PCDHGA3: variants seen among roughly 807,000 people sequenced by gnomAD.
PCDHGA3 encodes the protein protocadherin gamma subfamily A, 3, also known as protocadherin gamma-A3.
Under a neutral mutation model 58.5 loss-of-function variants are expected in PCDHGA3, and 40 were observed. The observed-to-expected ratio is 0.68, with a 90% confidence interval of 0.53 to 0.89. PCDHGA3 has a LOEUF of 0.89. PCDHGA3 is among the 40% of genes least tolerant of loss of function. The pLI, the probability that PCDHGA3 is intolerant of heterozygous loss-of-function variation, is 0.00. For missense variants in PCDHGA3, 1,223 were observed against 1,195.9 expected, an observed-to-expected ratio of 1.02 and a Z score of -0.33; for synonymous variants, 530 against 525.7, an observed-to-expected ratio of 1.01 and a Z score of -0.11.
chr5:141,360,383 A>G, intron 1 of PCDHGA3: 1 of 1,613,868 alleles, frequency 6.2e-7, no homozygotes, highest in Non-Finnish European at 8.5e-7. Context: ...GAAAGCGGAG[A>G]CTTACTTGTG....
At position 141,491,823 on chromosome 5, in the gene PCDHGA3, C is replaced by G; in HGVS notation, c.2425-2984C>G. Reference sequence around the variant, plus strand: ...GCCGGCTTGGTCGCTGGCTGCGCTCCACCCGATTCTCGGGATCATTGGACC... The same window carrying G: ...GCCGGCTTGGTCGCTGGCTGCGCTCGACCCGATTCTCGGGATCATTGGACC... On this transcript the variant is annotated intron_variant, in intron 1 of 3. Transcript: ENST00000253812. The surrounding 1 kb of genome is among the most constrained non-coding windows in gnomAD (Gnocchi z 6.9). The G allele has an allele frequency of 6.8e-7, 1 of 1,479,156 alleles. No individual in the cohort carries two copies. Among genetic ancestry groups the G allele is most frequent in the Non-Finnish European group, 9.0e-7 (1 of 1,115,292 alleles). 91.6% of individuals were successfully genotyped at this position (1,479,156 alleles called of 1,614,324 possible). A position where few individuals can be genotyped will look rare whatever the true frequency, so the allele number is the denominator to read the frequency against.
intron 1 of PCDHGA3, chr5:141,350,971 C>T (rs772425962): frequency 6.2e-7 from 1 of 1,614,080 alleles, no homozygotes. Flanking sequence ...ATAATGCTCC[C>T]GTGTTTAGCC....
intron 1 of PCDHGA3, chr5:141,389,665 C>A (rs1258802999): frequency 6.2e-7 from 1 of 1,612,414 alleles, no homozygotes; most frequent in East Asian, 2.2e-5. Context: ...GCGGTGGACG[C>A]AGACTCAGGA....
At position 141,344,642 on chromosome 5, in the gene PCDHGA3, GA is replaced by G. The variant is rs766211480; in HGVS notation, c.615del (p.Glu206LysfsTer25). The G allele has an allele frequency of 3.1e-6, 5 of 1,613,820 alleles. No individual in the cohort carries two copies. The highest frequency in any genetic ancestry group is 3.4e-6 in the Non-Finnish European group (4 of 1,179,874). The stretch of plus-strand genomic sequence containing the variant: ...TGCTGGAGCGGGCCCTGGACCGTGA[GA>G]AAAAAGAAATTCACCAGCTTGTCCT... ...LVLERALDRE[K>X]KEIHQLVLVA... On this transcript the variant is annotated frameshift_variant, in exon 1 of 4. Transcript: ENST00000253812. LOFTEE classifies it high-confidence loss of function.
chr5:141,361,218 A>G (rs963780957), intron 1 of PCDHGA3: 8 of 1,613,906 alleles, frequency 5.0e-6, no homozygotes, highest in Non-Finnish European at 6.8e-6. Flanking sequence ...AGGATTCGCC[A>G]CCAGGAACAG....
At chr5:141,400,637 C>T (rs1198861683) in intron 1 of PCDHGA3, 1 of 1,324,714 alleles carries the variant, frequency 7.5e-7, no homozygotes, top group Non-Finnish European at 1.1e-6. Flanking sequence ...GTCAGAGCTG[C>T]TCAGAAAGCT....
intron 1 of PCDHGA3, among the ~76,000 whole-genome samples, chr5:141,463,783 C>T (rs1395035313): frequency 1.3e-5 from 2 of 152,138 alleles, no homozygotes; most frequent in African/African-American, 4.8e-5. Flanking sequence ...CCTGCACTGT[C>T]TTTTGAACAA....
chr5:141,415,901 C>A, intron 1 of PCDHGA3: 1 of 847,932 alleles, frequency 1.2e-6, no homozygotes, highest in Non-Finnish European at 1.6e-6. Context: ...CTAAGACAGA[C>A]TTCCATACAG....
At chr5:141,373,933 A>G (rs1769964265) in intron 1 of PCDHGA3, 3 of 692,378 alleles carry the variant, frequency 4.3e-6, no homozygotes, top group South Asian at 3.7e-5. Context: ...ACGGGAAAGC[A>G]GGAAAGCTGT....
At chr5:141,466,583 C>T (rs2099125595) in intron 1 of PCDHGA3, among the ~76,000 whole-genome samples, 1 of 152,184 alleles carries the variant, frequency 6.6e-6, no homozygotes, top group Admixed American at 6.6e-5. Flanking sequence ...CTCATCCCTT[C>T]TTAAAACAAG....
intron 1 of PCDHGA3, chr5:141,383,948 C>G (rs199642192): frequency 2.1e-4 from 340 of 1,613,480 alleles, no homozygotes; most frequent in Non-Finnish European, 2.5e-4. Context: ...GTGACTATGA[C>G]GTCTTTAAGT....
Position 141,490,683 on chromosome 5 carries a change from A to C in PCDHGA3, c.2425-4124A>C, listed in dbSNP as rs766019662. 6 of 1,614,088 alleles carry C rather than the reference A, an allele frequency of 3.7e-6. No homozygotes were observed. The highest frequency in any genetic ancestry group is 5.1e-6 in the Non-Finnish European group (6 of 1,180,034). On this transcript the variant is annotated intron_variant, in intron 1 of 3. Transcript: ENST00000253812. The surrounding 1 kb of genome is among the most constrained non-coding windows in gnomAD (Gnocchi z 5.4). ...TTTGCACTGTGGCTGCCTCAGATCCAGACACTGGGGATAATGCCCGCCTCA... is the reference window on the plus strand; with the variant it reads ...TTTGCACTGTGGCTGCCTCAGATCCCGACACTGGGGATAATGCCCGCCTCA...
rs2096370584 is a variant in PCDHGA3 at position 141,419,372 on chromosome 5, G to A, written c.2424+72915G>A. On this transcript the variant is annotated intron_variant, in intron 1 of 3. Coordinates refer to ENST00000253812, the MANE Select transcript of PCDHGA3 (RefSeq NM_018916.4). The stretch of plus-strand genomic sequence containing the variant: ...GGAGTCACGAACGCTGTCGTCCTAC[G>A]TGTCCGTGAGCGCGCAGAGCGGGGT... 2 of 1,613,728 alleles carry A rather than the reference G, an allele frequency of 1.2e-6. No homozygotes were observed. Among genetic ancestry groups the A allele is most frequent in the South Asian group, 1.1e-5 (1 of 91,088 alleles).
At chr5:141,409,988 GCCGACT>G in intron 1 of PCDHGA3, 1 of 1,613,278 alleles carries the variant, frequency 6.2e-7, no homozygotes, top group East Asian at 2.2e-5. Context: ...AGCGGTGGAC[GCCGACT>G]CGGGACACAA....
rs540471918 is a variant in PCDHGA3 at position 141,433,283 on chromosome 5, T to C, written c.2425-61524T>C. ...ATCATAGCTCACTGCAGCCTCAAAC[T>C]CCTAGGCTCAAGCAATTATCCCACC... On this transcript the variant is annotated intron_variant, in intron 1 of 3. Coordinates refer to ENST00000253812, the MANE Select transcript of PCDHGA3 (RefSeq NM_018916.4). The C allele has an allele frequency of 4.2e-5, 50 of 1,183,074 alleles. No homozygotes were observed. In the Admixed American group the frequency reaches 7.9e-4, roughly 19 times the overall value. 73.3% of individuals were successfully genotyped at this position (1,183,074 alleles called of 1,614,324 possible).
chr5:141,475,105 G>C (rs1215386045), intron 1 of PCDHGA3, among the ~76,000 whole-genome samples: 1 of 152,156 alleles, frequency 6.6e-6, no homozygotes, highest in Non-Finnish European at 1.5e-5. Context: ...GATCCTAGGT[G>C]GTAAATAGGC....
At chr5:141,385,189 C>T (rs368141492) in intron 1 of PCDHGA3, 2 of 1,614,222 alleles carry the variant, frequency 1.2e-6, no homozygotes, top group Non-Finnish European at 1.7e-6. Context: ...CGCGGACTCT[C>T]GGAAGAGTCA....
At chr5:141,400,943 T>G (rs1253479872) in intron 1 of PCDHGA3, among the ~76,000 whole-genome samples, 1 of 152,260 alleles carries the variant, frequency 6.6e-6, no homozygotes, top group East Asian at 1.9e-4. Flanking sequence ...CTTTCTTCAC[T>G]GATTTCACTG....
chr5:141,427,114 A>G (rs767478190), intron 1 of PCDHGA3: 1 of 457,522 alleles, frequency 2.2e-6, no homozygotes, highest in Non-Finnish European at 4.4e-6. Flanking sequence ...GAGATCACCT[A>G]CTCTTTCAAA....
Sources: allele counts gnomAD v4.1 joint callset (sites outside exome capture counted in the v4.1 genomes callset), GRCh38; gene constraint gnomAD v4.1.1; non-coding constraint Gnocchi (gnomAD v3.1); transcripts MANE v1.5; gene names NCBI Gene and HGNC (gene_info 2026-07-23, HGNC 2026-07-21).